The following LTBP2 variants were observed in gnomAD, a reference collection of about 807,000 sequenced individuals.
LTBP2 encodes the protein latent-transforming growth factor beta-binding protein 2.
In LTBP2, 103 loss-of-function variants were observed where a neutral mutation model predicts 210.6. The observed-to-expected ratio is 0.49, with a 90% CI of 0.42 to 0.58. The LOEUF (loss-of-function observed/expected upper bound fraction) is 0.58, where lower values mean the gene tolerates loss of function less well. LTBP2 is among the 20% of genes least tolerant of loss of function. The pLI is 0.00. For synonymous variants in LTBP2, 1,007 were observed against 1,015.0 expected (o/e 0.99, Z 0.15); for missense variants, 2,313 against 2,494.5 (o/e 0.93, Z 1.55).
At position 74,608,077 on chromosome 14, in the gene LTBP2, C is replaced by T. The variant is rs1017007678; in HGVS notation, c.494+3374G>A. On this transcript the variant is annotated intron_variant, in intron 1 of 35. Transcript: ENST00000261978. ...CTGGGACTACAGGCGCCCGCCACCG[C>T]GCCCGGCTAATTTTTTGTATTTTTA... 7.3e-5 allele frequency among the ~76,000 whole-genome samples: 11 copies of T among 151,588 alleles called. No homozygotes were observed. In the South Asian group the frequency reaches 8.4e-4, roughly 12 times the overall value.
intron 3 of LTBP2, among the ~76,000 whole-genome samples, chr14:74,575,830 C>T (rs542000359): frequency 6.6e-6 from 1 of 152,252 alleles, no homozygotes; most frequent in Non-Finnish European, 1.5e-5. Flanking sequence ...CTTCTGCACC[C>T]TCAGACTTGG....
chr14:74,602,779 C>T lies in LTBP2; in HGVS notation c.565+856G>A, dbSNP rs556617121. Among the ~76,000 whole-genome samples the T allele has an allele frequency of 2.0e-4, 30 of 152,352 alleles. No homozygotes were observed. The South Asian group carries it at 6.2e-3, about 32-fold the overall frequency. ...AAAATAAGATGGCTTTTCTCTCCTT[C>T]GAGCCAGCCTGCCAGGCATCAGAGC... On this transcript the variant is annotated intron_variant, in intron 2 of 35. Transcript: ENST00000261978.
intron 3 of LTBP2, among the ~76,000 whole-genome samples, chr14:74,564,565 T>G (rs1472060042): frequency 6.7e-6 from 1 of 148,788 alleles, no homozygotes; most frequent in Admixed American, 6.9e-5. Context: ...AGGCTAATTT[T>G]TTTTTGTTTT....
chr14:74,569,228 CA>C (rs1200777981), intron 3 of LTBP2, among the ~76,000 whole-genome samples: 1 of 151,794 alleles, frequency 6.6e-6, no homozygotes. Context: ...CAAGTCTGAA[CA>C]AAATCCTTGT....
chr14:74,545,434 CAGAGCAAG>C (rs1302347964), intron 8 of LTBP2, among the ~76,000 whole-genome samples: 1 of 152,218 alleles, frequency 6.6e-6, no homozygotes, highest in Non-Finnish European at 1.5e-5. Context: ...CTTGAAAGGG[CAGAGCAAG>C]AGAATCTGTT....
intron 10 of LTBP2, among the ~76,000 whole-genome samples, chr14:74,531,860 C>A (rs186372023): frequency 6.6e-6 from 1 of 152,234 alleles, no homozygotes; most frequent in Non-Finnish European, 1.5e-5. Flanking sequence ...CCACAGAGGT[C>A]TCTGGAAACA....
intron 28 of LTBP2, 49 bp downstream of exon 28, chr14:74,505,999 C>T (rs201683955): frequency 6.2e-7 from 1 of 1,612,008 alleles, no homozygotes; most frequent in Non-Finnish European, 8.5e-7. Context: ...GGGACACGCT[C>T]TCTGTAAACC....
At chr14:74,546,752 C>G (rs1023038017) in intron 8 of LTBP2, among the ~76,000 whole-genome samples, 1 of 152,248 alleles carries the variant, frequency 6.6e-6, no homozygotes, top group South Asian at 2.1e-4. Context: ...GGCTCTAGCC[C>G]TGTCTGAACC....
intron 1 of LTBP2, 124 bp downstream of exon 1, chr14:74,611,327 G>C (rs984145174): frequency 6.1e-6 from 7 of 1,149,462 alleles, no homozygotes; most frequent in Non-Finnish European, 5.7e-6. Context: ...GCTGTTTCCC[G>C]AAGTACTAAA....
chr14:74,557,503 C>T (rs2087744349), intron 3 of LTBP2, among the ~76,000 whole-genome samples: 1 of 152,208 alleles, frequency 6.6e-6, no homozygotes, highest in Non-Finnish European at 1.5e-5. Flanking sequence ...CTTTTCACCT[C>T]CCTTCTCTCC....
At chr14:74,560,352 C>G (rs184954287) in intron 3 of LTBP2, among the ~76,000 whole-genome samples, 2 of 152,208 alleles carry the variant, frequency 1.3e-5, no homozygotes, top group Non-Finnish European at 2.9e-5. Context: ...AGCCAAGAGA[C>G]AGCCACCAGA....
In LTBP2 at chr14:74,586,662, A is replaced by G. The variant is rs1595293964; in HGVS notation, c.566-544T>C. Among the ~76,000 whole-genome samples the G allele has an allele frequency of 6.6e-6, 1 of 152,062 alleles. No homozygotes were observed. On this transcript the variant is annotated intron_variant, in intron 2 of 35. Coordinates refer to ENST00000261978, the MANE Select transcript of LTBP2 (RefSeq NM_000428.3). The surrounding 1 kb of genome is among the most constrained non-coding windows in gnomAD (Gnocchi z 4.6). ...ATGGTCTTGACTTCACTGAGCCTCT[A>G]TTTGCGCCTAAATCACGGGAGGGGT...
At chr14:74,608,868 CT>C (rs1399030135) in intron 1 of LTBP2, among the ~76,000 whole-genome samples, 1 of 152,166 alleles carries the variant, frequency 6.6e-6, no homozygotes, top group Non-Finnish European at 1.5e-5. Context: ...CTGGCACAAA[CT>C]TAATAAGTCT....
At chr14:74,610,164 G>C (rs2088585147) in intron 1 of LTBP2, among the ~76,000 whole-genome samples, 1 of 152,224 alleles carries the variant, frequency 6.6e-6, no homozygotes, top group South Asian at 2.1e-4. Flanking sequence ...CATAGAGCTT[G>C]CATTAGTGTG....
intron 2 of LTBP2, among the ~76,000 whole-genome samples, chr14:74,587,620 G>C (rs1049136897): frequency 5.3e-5 from 8 of 151,942 alleles, no homozygotes; most frequent in African/African-American, 1.9e-4. Flanking sequence ...CCAGGGTCTG[G>C]TGGCGGAGGA....
At position 74,593,228 on chromosome 14, in the gene LTBP2, G is replaced by A. The variant is rs190714449; in HGVS notation, c.566-7110C>T. Among the ~76,000 whole-genome samples, 6 of 152,230 alleles carry A rather than the reference G, an allele frequency of 3.9e-5. No individual in the cohort carries two copies. The East Asian group carries it at 1.2e-3, about 29-fold the overall frequency. ...TGGGAAGGGACCAAACTCAGAATGG[G>A]CAGGCCTGGGAGAGATTCTAGAAAC... On this transcript the variant is annotated intron_variant, in intron 2 of 35. Coordinates refer to ENST00000261978, the MANE Select transcript of LTBP2 (RefSeq NM_000428.3).
At chr14:74,584,251 T>G (rs1292842346) in intron 3 of LTBP2, among the ~76,000 whole-genome samples, 1 of 151,878 alleles carries the variant, frequency 6.6e-6, no homozygotes, top group Non-Finnish European at 1.5e-5. Context: ...GTCAGACTGG[T>G]GGGAAGATGC....
chr14:74,557,587 C>T (rs1245375119), intron 3 of LTBP2, among the ~76,000 whole-genome samples: 2 of 152,164 alleles, frequency 1.3e-5, no homozygotes, highest in Non-Finnish European at 2.9e-5. Context: ...CCGCTCATGT[C>T]CTTTGACATC....
intron 1 of LTBP2, among the ~76,000 whole-genome samples, chr14:74,610,239 T>C (rs2088586074): frequency 6.6e-6 from 1 of 152,118 alleles, no homozygotes; most frequent in African/African-American, 2.4e-5. Context: ...ATAAGTACTA[T>C]GAAGAAACAT....
Sources: gnomAD v4.1 joint callset for allele counts (sites outside exome capture counted in the v4.1 genomes callset) on GRCh38, gnomAD v4.1.1 for gene constraint, Gnocchi (gnomAD v3.1) non-coding constraint, MANE v1.5 for transcripts, NCBI Gene and HGNC (gene_info 2026-07-23, HGNC 2026-07-21) for gene names.